The following KCNQ3 variants were observed in gnomAD, a reference collection of about 807,000 sequenced individuals.
KCNQ3 encodes the protein potassium voltage-gated channel subfamily KQT member 3.
KCNQ3 carries 30 observed loss-of-function variants against 92.5 expected under a neutral mutation model. That is an observed-to-expected ratio of 0.32 (90% CI 0.24 to 0.44). The LOEUF (loss-of-function observed/expected upper bound fraction) is 0.44. KCNQ3 is among the 20% of genes least tolerant of loss of function. KCNQ3 has a pLI of 1.00. For missense variants in KCNQ3, 913 were observed against 1,140.3 expected, an observed-to-expected ratio of 0.80 and a Z score of 2.87; for synonymous variants, 450 against 468.8, an observed-to-expected ratio of 0.96 and a Z score of 0.52.
At position 132,480,477 on chromosome 8, in the gene KCNQ3, C is replaced by T; in HGVS notation, c.56G>A (p.Gly19Asp). ...AGAAGGGGDG[G>D]GGGGGAANPA... The stretch of plus-strand genomic sequence containing the variant: ...GTTAGCCGCCCCGCCGCCTCCGCCG[C>T]CCCCGTCGCCGCCGCCGCCAGCCGC... Residue 19 changes from glycine (G) to aspartate (D), a missense_variant, in exon 1 of 15, where the codon GGC becomes GAC. Transcript: ENST00000388996. The T allele has an allele frequency of 1.6e-6, 2 of 1,225,426 alleles. No individual in the cohort carries two copies. Among genetic ancestry groups the T allele is most frequent in the Non-Finnish European group, 1.0e-6 (1 of 988,166 alleles). 75.9% of individuals were successfully genotyped at this position (1,225,426 alleles called of 1,614,324 possible).
At position 132,128,884 on chromosome 8, in the gene KCNQ3, C is replaced by G. The variant is rs567380498; in HGVS notation, c.*378G>C. ...GTGATCCTAGAAATAACTTAAACTA[C>G]TTTCTCTGCTTACCAAACCAAAACC... On this transcript the variant is annotated 3_prime_UTR_variant, in exon 15 of 15. Coordinates refer to ENST00000388996, the MANE Select transcript of KCNQ3 (RefSeq NM_004519.4). The G allele has an allele frequency of 8.7e-5, 20 of 228,598 alleles. No homozygotes were observed. The highest frequency in any genetic ancestry group is 3.8e-4 in the African/African-American group (17 of 45,022). 14.2% of individuals were successfully genotyped at this position (228,598 alleles called of 1,614,324 possible).
At chr8:132,364,528 G>A (rs1819259264) in intron 1 of KCNQ3, among the ~76,000 whole-genome samples, 1 of 152,188 alleles carries the variant, frequency 6.6e-6, no homozygotes, top group African/African-American at 2.4e-5. Context: ...TGGAGGGAGT[G>A]TCACTGCTGC....
At chr8:132,354,453 T>A (rs1818960691) in intron 1 of KCNQ3, among the ~76,000 whole-genome samples, 2 of 152,264 alleles carry the variant, frequency 1.3e-5, no homozygotes, top group South Asian at 4.2e-4. Context: ...CAGGGGGCAT[T>A]AGTTATATTA....
At chr8:132,227,361 C>A (rs1237107915) in intron 1 of KCNQ3, among the ~76,000 whole-genome samples, 1 of 151,978 alleles carries the variant, frequency 6.6e-6, no homozygotes, top group African/African-American at 2.4e-5. Context: ...CACCCGGCCC[C>A]ACTGGTGTCT....
At chr8:132,130,760 T>G (rs562716497) in intron 14 of KCNQ3, among the ~76,000 whole-genome samples, 1 of 152,354 alleles carries the variant, frequency 6.6e-6, no homozygotes, top group South Asian at 2.1e-4. Context: ...TAGCAAGAAC[T>G]GAGCTTCTCA....
chr8:132,143,310 T>C (rs1303167304), intron 9 of KCNQ3, among the ~76,000 whole-genome samples: 1 of 151,914 alleles, frequency 6.6e-6, no homozygotes, highest in East Asian at 1.9e-4. Context: ...CTAAAAATAG[T>C]GAATGAAGCA....
intron 9 of KCNQ3, among the ~76,000 whole-genome samples, chr8:132,160,342 T>TC (rs753698466): frequency 8.5e-5 from 13 of 152,192 alleles, no homozygotes; most frequent in Non-Finnish European, 1.8e-4. Flanking sequence ...GCAAGGTCCA[T>TC]CTTCAGTGTT....
intron 1 of KCNQ3, among the ~76,000 whole-genome samples, chr8:132,474,987 C>A (rs1387987796): frequency 6.6e-6 from 1 of 152,142 alleles, no homozygotes; most frequent in African/African-American, 2.4e-5. Context: ...GGATTTCCCC[C>A]TTGCTCTTGT....
intron 1 of KCNQ3, among the ~76,000 whole-genome samples, chr8:132,459,995 G>T (rs947046711): frequency 1.3e-5 from 2 of 151,786 alleles, no homozygotes; most frequent in Middle Eastern, 3.2e-3. Flanking sequence ...GTCCCACATT[G>T]GCCAGGGGGT....
At chr8:132,366,119 G>A (rs961855288) in intron 1 of KCNQ3, among the ~76,000 whole-genome samples, 4 of 152,142 alleles carry the variant, frequency 2.6e-5, no homozygotes, top group Non-Finnish European at 5.9e-5. Context: ...TGAAGAGCCC[G>A]TTAGTCTCTC....
intron 1 of KCNQ3, among the ~76,000 whole-genome samples, chr8:132,384,859 T>C (rs1039933642): frequency 6.6e-6 from 1 of 152,220 alleles, no homozygotes; most frequent in Non-Finnish European, 1.5e-5. Flanking sequence ...ACACTGATAG[T>C]ACCTATTTCA....
At chr8:132,406,534 GACAC>G (rs141975314) in intron 1 of KCNQ3, among the ~76,000 whole-genome samples, 20,982 of 151,350 alleles carry the variant, frequency 0.14, 1,554 homozygotes, top group African/African-American at 0.19. Flanking sequence ...CACACACACA[GACAC>G]ACACACAGGC....
At chr8:132,217,710 CAAA>C (rs1170925572) in intron 1 of KCNQ3, among the ~76,000 whole-genome samples, 5 of 66,382 alleles carry the variant, frequency 7.5e-5, no homozygotes, top group Non-Finnish European at 8.7e-5. Context: ...GGCTCTGTCT[CAAA>C]AAAAAAAAAA....
chr8:132,326,260 A>T (rs1012466250), intron 1 of KCNQ3, among the ~76,000 whole-genome samples: 1 of 152,156 alleles, frequency 6.6e-6, no homozygotes, highest in African/African-American at 2.4e-5. Flanking sequence ...ACAGGCTACC[A>T]AATAAAGGCA....
rs753559109 is a variant in KCNQ3, at chr8:132,128,437, G to A, written c.*825C>T. 1 of 152,132 alleles carries A rather than the reference G, an allele frequency of 6.6e-6. No homozygotes were observed. 9.4% of individuals were successfully genotyped at this position (152,132 alleles called of 1,614,324 possible). On this transcript the variant is annotated 3_prime_UTR_variant, in exon 15 of 15. Transcript: ENST00000388996. ...GCACTGAACTCAGCTCCTGCCCAGA[G>A]GGGCACTTCACTTCTGATAAATTCC... is the stretch of plus-strand genomic sequence containing the variant.
intron 1 of KCNQ3, among the ~76,000 whole-genome samples, chr8:132,211,428 G>A (rs1813848740): frequency 6.6e-6 from 1 of 152,146 alleles, no homozygotes; most frequent in Non-Finnish European, 1.5e-5. Flanking sequence ...CTCCTGTCTA[G>A]TAAAGTTTCA....
intron 5 of KCNQ3, 88 bp downstream of exon 5, chr8:132,175,365 G>C: frequency 6.9e-7 from 1 of 1,444,900 alleles, no homozygotes; most frequent in South Asian, 1.1e-5. Flanking sequence ...GCAGCTGCCT[G>C]GCTGAACATG....
intron 1 of KCNQ3, among the ~76,000 whole-genome samples, chr8:132,445,446 C>G (rs1821650128): frequency 6.6e-6 from 1 of 152,090 alleles, no homozygotes. Flanking sequence ...TTTATTTCCC[C>G]CATGCACCTG....
chr8:132,369,089 G>A (rs940280686), intron 1 of KCNQ3, among the ~76,000 whole-genome samples: 3 of 152,098 alleles, frequency 2.0e-5, no homozygotes, highest in African/African-American at 4.8e-5. Context: ...GGGTTTGTAC[G>A]GTGTTCTTTC....
Sources: gnomAD v4.1 joint callset for allele counts (sites outside exome capture counted in the v4.1 genomes callset) on GRCh38, gnomAD v4.1.1 for gene constraint, MANE v1.5 for transcripts, NCBI Gene and HGNC (gene_info 2026-07-23, HGNC 2026-07-21) for gene names.